EYA4: variants seen among roughly 807,000 people sequenced by gnomAD.
The protein encoded by EYA4 is EYA transcriptional coactivator and phosphatase 4, also known as protein phosphatase EYA4.
A neutral mutation model predicts 87.9 loss-of-function variants in EYA4; 31 were observed. The observed-to-expected ratio is 0.35, with a 90% CI of 0.27 to 0.48. EYA4 has a LOEUF of 0.48. Among genes scored for constraint, EYA4 ranks in the 20% least tolerant of loss-of-function variants. The pLI is 0.99. For missense variants in EYA4, 678 were observed against 761.4 expected (o/e 0.89, Z 1.29); for synonymous variants, 263 against 270.6 (o/e 0.97, Z 0.28).
chr6:133,365,043 A>G (rs183084649), intron 2 of EYA4, among the ~76,000 whole-genome samples: 1 of 152,268 alleles, frequency 6.6e-6, no homozygotes, highest in African/African-American at 2.4e-5. Flanking sequence ...CTTTCTCCTA[A>G]TACCTATCTC....
chr6:133,399,143 T>C (rs1255133865), intron 3 of EYA4, among the ~76,000 whole-genome samples: 1 of 152,184 alleles, frequency 6.6e-6, no homozygotes, highest in African/African-American at 2.4e-5. Flanking sequence ...TCAGCCTGCT[T>C]AGCTAGTGGA....
intron 1 of EYA4, among the ~76,000 whole-genome samples, chr6:133,242,472 T>G (rs1320081274): frequency 1.3e-5 from 2 of 152,124 alleles, no homozygotes; most frequent in African/African-American, 4.8e-5. Flanking sequence ...GCTTATAACT[T>G]CTCCAAAGGA....
At chr6:133,347,165 T>C (rs1315375302) in intron 2 of EYA4, among the ~76,000 whole-genome samples, 1 of 152,236 alleles carries the variant, frequency 6.6e-6, no homozygotes, top group African/African-American at 2.4e-5. Flanking sequence ...CGTGCAACTT[T>C]GTTCCACATT....
intron 2 of EYA4, among the ~76,000 whole-genome samples, chr6:133,365,771 T>C (rs1784809989): frequency 6.6e-6 from 1 of 152,042 alleles, no homozygotes. Flanking sequence ...AAGGGGAGTA[T>C]TGACTTACTG....
rs574899772 is a variant in EYA4 at position 133,296,946 on chromosome 6, A to T, written c.33+22133A>T. Among the ~76,000 whole-genome samples the T allele has an allele frequency of 5.5e-4, 84 of 152,256 alleles. 1 individual carries two copies. Among genetic ancestry groups the T allele is most frequent in the Non-Finnish European group, 4.6e-4 (31 of 68,024 alleles). On this transcript the variant is annotated intron_variant, in intron 2 of 19. Transcript: ENST00000355286. Reference sequence around the variant, plus strand: ...CAGGTGTGTTAAATTTCCCACTGTGATGGTGGATTTATCAGTTTATCTTAC... The same window carrying T: ...CAGGTGTGTTAAATTTCCCACTGTGTTGGTGGATTTATCAGTTTATCTTAC...
intron 2 of EYA4, among the ~76,000 whole-genome samples, chr6:133,319,162 A>G (rs1406755579): frequency 6.6e-6 from 1 of 152,092 alleles, no homozygotes; most frequent in African/African-American, 2.4e-5. Context: ...ACCTCTCTTC[A>G]CTGCTATAAG....
chr6:133,266,254 C>T (rs922389982), intron 1 of EYA4, among the ~76,000 whole-genome samples: 5 of 152,048 alleles, frequency 3.3e-5, no homozygotes, highest in African/African-American at 1.2e-4. Context: ...TACACACACA[C>T]AAAAGAATGC....
At chr6:133,392,803 G>A (rs73559682) in intron 3 of EYA4, among the ~76,000 whole-genome samples, 2,588 of 152,142 alleles carry the variant, frequency 0.017, 71 homozygotes, top group African/African-American at 0.057. Flanking sequence ...GCCTGTCTTC[G>A]CCACATGTAT....
Position 133,446,761 on chromosome 6 carries a change from G to T in EYA4, c.208+7G>T, listed in dbSNP as rs1792885399. 6.2e-7 allele frequency: 1 copy of T among 1,613,576 alleles called. No individual in the cohort carries two copies. The highest frequency in any genetic ancestry group is 8.5e-7 in the Non-Finnish European group (1 of 1,179,694). ...ACTACAAATGGGACAGGAGGTAAGT[G>T]TACTACCCTGAAGATACCCAGAATC... On this transcript the variant is annotated splice_region_variant and intron_variant, in intron 4 of 19. Transcript: ENST00000355286.
intron 2 of EYA4, among the ~76,000 whole-genome samples, chr6:133,350,718 C>T (rs1177448711): frequency 6.6e-6 from 1 of 152,080 alleles, no homozygotes; most frequent in African/African-American, 2.4e-5. Flanking sequence ...GCTACATCTT[C>T]ACATTTGCTG....
At chr6:133,462,217 T>G in intron 7 of EYA4, 118 bp from the exon 8 acceptor site, 1 of 1,204,234 alleles carries the variant, frequency 8.3e-7, no homozygotes. Context: ...ATTGTTAAAA[T>G]TATATTGTGG....
intron 11 of EYA4, among the ~76,000 whole-genome samples, chr6:133,480,369 G>T (rs1481581167): frequency 1.3e-5 from 2 of 152,176 alleles, no homozygotes; most frequent in African/African-American, 4.8e-5. Context: ...CTATTAGCAG[G>T]AGTATTTTTA....
chr6:133,276,856 C>T (rs1777209480), intron 2 of EYA4, among the ~76,000 whole-genome samples: 1 of 150,788 alleles, frequency 6.6e-6, no homozygotes, highest in African/African-American at 2.4e-5. Flanking sequence ...ATCGACGTGC[C>T]TCATTGCCTT....
At chr6:133,340,646 A>G (rs1174084013) in intron 2 of EYA4, among the ~76,000 whole-genome samples, 1 of 152,166 alleles carries the variant, frequency 6.6e-6, no homozygotes, top group Non-Finnish European at 1.5e-5. Context: ...GAGAACAGAA[A>G]AGAAGCCAAG....
upstream of EYA4, chr6:133,240,596 T>C (rs1034580351): frequency 2.0e-5 from 3 of 152,278 alleles, no homozygotes; most frequent in Admixed American, 6.5e-5. Flanking sequence ...TGGAAGTAAG[T>C]CGTTGCTGCC....
At chr6:133,263,196 G>C (rs558550158) in intron 1 of EYA4, among the ~76,000 whole-genome samples, 1 of 152,178 alleles carries the variant, frequency 6.6e-6, no homozygotes, top group Non-Finnish European at 1.5e-5. Context: ...TCTCAATAAT[G>C]TAACAGGAAT....
chr6:133,299,947 CTATCTATCTATA>C (rs1187263745), intron 2 of EYA4, among the ~76,000 whole-genome samples: 2,773 of 140,298 alleles, frequency 0.02, 96 homozygotes, highest in African/African-American at 0.071. Context: ...ATCTATCTAT[CTATCTATCTATA>C]TATATATATA....
chr6:133,295,404 A>G (rs534259800), intron 2 of EYA4, among the ~76,000 whole-genome samples: 65 of 152,312 alleles, frequency 4.3e-4, no homozygotes, highest in African/African-American at 1.0e-3. Context: ...TTGCATTGAG[A>G]TTGGGCTTGA....
chr6:133,314,583 A>G (rs956458963), intron 2 of EYA4, among the ~76,000 whole-genome samples: 1 of 152,166 alleles, frequency 6.6e-6, no homozygotes, highest in Non-Finnish European at 1.5e-5. Context: ...CCAACATGGT[A>G]ATAAAACATG....
Sources: gnomAD v4.1 joint callset for allele counts (sites outside exome capture counted in the v4.1 genomes callset) on GRCh38, gnomAD v4.1.1 for gene constraint, MANE v1.5 for transcripts, NCBI Gene and HGNC (gene_info 2026-07-23, HGNC 2026-07-21) for gene names.